The following ICAM1 variants were observed in gnomAD, a reference collection of about 807,000 sequenced individuals.
The protein encoded by ICAM1 is intercellular adhesion molecule 1.
ICAM1 carries 28 observed loss-of-function variants against 42.3 expected under a neutral mutation model. The observed-to-expected ratio is 0.66, with a 90% CI of 0.49 to 0.91. The LOEUF (loss-of-function observed/expected upper bound fraction) is 0.91. ICAM1 is among the 40% of genes least tolerant of loss of function. The pLI is 0.00. For synonymous variants in ICAM1, 304 were observed against 305.9 expected (o/e 0.99, Z 0.07); for missense variants, 637 against 688.6 (o/e 0.93, Z 0.84).
At chr19:10,275,156 C>A in intron 2 of ICAM1, 128 bp downstream of exon 2, 1 of 883,274 alleles carries the variant, frequency 1.1e-6, no homozygotes, top group Non-Finnish European at 1.7e-6. Flanking sequence ...CCTTGCAGGG[C>A]AGGTGGGGAC....
In ICAM1 at chr19:10,284,079, G is replaced by A. The variant is rs896099469; in HGVS notation, c.684G>A (p.Glu228=). ...AACTTGTCAGCCCCCGGGTCCTAGAGGTGGACACGCAGGGGACCGTGGTCT... is the reference window on the plus strand; with the variant it reads ...AACTTGTCAGCCCCCGGGTCCTAGAAGTGGACACGCAGGGGACCGTGGTCT... ...PPQLVSPRVL[E]VDTQGTVVCS... is the part of the protein sequence containing the mutation. The change falls in exon 4 of 7, where the codon GAG becomes GAA. Residue 228 remains glutamate (E), a synonymous_variant. Transcript: ENST00000264832. The surrounding 1 kb of genome is among the most constrained non-coding windows in gnomAD (Gnocchi z 5.4). The A allele has an allele frequency of 2.5e-6, 4 of 1,614,068 alleles. No individual in the cohort carries two copies. Among genetic ancestry groups the A allele is most frequent in the Non-Finnish European group, 3.4e-6 (4 of 1,180,006 alleles).
intron 1 of ICAM1, among the ~76,000 whole-genome samples, chr19:10,273,967 T>C (rs1004060383): frequency 2.6e-5 from 4 of 151,870 alleles, no homozygotes; most frequent in African/African-American, 7.3e-5. Context: ...TGAGCTGAGA[T>C]TGCGCCACTG....
chr19:10,274,278 T>G (rs2040001788), intron 1 of ICAM1, among the ~76,000 whole-genome samples: 1 of 152,064 alleles, frequency 6.6e-6, no homozygotes, highest in Admixed American at 6.6e-5. Flanking sequence ...AAGCTCATAT[T>G]AACATCAGTT....
At position 10,275,045 on chromosome 19, in the gene ICAM1, G is replaced by A. The variant is rs371024674; in HGVS notation, c.331+17G>A. ...CCGTGTACTGTGAGTAACTGAGCCC[G>A]GAGGGCTGGACTAGGCAGACCCGGT... On this transcript the variant is annotated intron_variant, in intron 2 of 6. Transcript: ENST00000264832. The A allele has an allele frequency of 5.3e-5, 86 of 1,611,200 alleles. No homozygotes were observed. Among genetic ancestry groups the A allele is most frequent in the Non-Finnish European group, 6.8e-5 (80 of 1,179,470 alleles).
rs763594216 is a variant in ICAM1, at chr19:10,285,118, C to G, written c.1430C>G (p.Pro477Arg). Residue 477 changes from proline (P) to arginine (R), a missense_variant, in exon 7 of 7, where the codon CCC becomes CGC. By Grantham distance (103) the Pro-to-Arg change is moderately radical. Transcript: ENST00000264832. ...TRKVTVNVLS[P>R]RYEIVIITVV... is the part of the protein sequence containing the mutation. ...GCCTGTTGTATCCTCCCCACAGCCCCCCGGTATGAGATTGTCATCATCACT... is the reference window on the plus strand; with the variant it reads ...GCCTGTTGTATCCTCCCCACAGCCCGCCGGTATGAGATTGTCATCATCACT... 1 of 1,614,040 alleles carries G rather than the reference C, an allele frequency of 6.2e-7. No homozygotes were observed. Among genetic ancestry groups the G allele is most frequent in the Admixed American group, 1.7e-5 (1 of 59,986 alleles).
intron 2 of ICAM1, among the ~76,000 whole-genome samples, chr19:10,275,735 TCTCA>T (rs1281702074): frequency 2.3e-5 from 3 of 130,390 alleles, no homozygotes; most frequent in Non-Finnish European, 3.1e-5. Flanking sequence ...TGAGACGGAG[TCTCA>T]CTCTGTCGCC....
At chr19:10,271,736 C>T (rs1200927582) in intron 1 of ICAM1, among the ~76,000 whole-genome samples, 1 of 152,062 alleles carries the variant, frequency 6.6e-6, no homozygotes, top group Non-Finnish European at 1.5e-5. Context: ...TTAAGGGACC[C>T]CCACCCCCCT....
At position 10,284,217 on chromosome 19, in the gene ICAM1, C is replaced by G. The variant is rs1490106324; in HGVS notation, c.822C>G (p.Ala274=). 9 of 1,614,042 alleles carry G rather than the reference C, an allele frequency of 5.6e-6. No homozygotes were observed. The highest frequency in any genetic ancestry group is 7.6e-6 in the Non-Finnish European group (9 of 1,180,042). Residue 274 remains alanine, a synonymous_variant, in exon 4 of 7, where the codon GCC becomes GCG. Transcript: ENST00000264832. This position sits in a 1 kb window ranked among gnomAD's most constrained non-coding sequence, Gnocchi z 5.4. ...GCAACGACTCCTTCTCGGCCAAGGC[C>G]TCAGTCAGTGTGACCGCAGAGGACG... is the stretch of plus-strand genomic sequence containing the variant. The part of the protein sequence containing the change: ...TYGNDSFSAK[A]SVSVTAEDEG...
chr19:10,282,917 GCAGGAGAATTGCTTGAACC>G (rs1568294767), intron 2 of ICAM1, among the ~76,000 whole-genome samples: 1 of 134,200 alleles, frequency 7.5e-6, no homozygotes, highest in East Asian at 2.1e-4. Context: ...GGAGGTTGAG[GCAGGAGAATTGCTTGAACC>G]CAGGAGGCAG....
rs922664343 is a variant in ICAM1 at position 10,275,028 on chromosome 19, T to C, written c.331T>C (p.Trp111Arg). 1 of 1,613,098 alleles carries C rather than the reference T, an allele frequency of 6.2e-7. No homozygotes were observed. ...STAKTFLTVY[W>R]TPERVELAPL... The stretch of plus-strand genomic sequence containing the variant: ...AGCTAAAACCTTCCTCACCGTGTAC[T>C]GTGAGTAACTGAGCCCGGAGGGCTG... The change falls in exon 2 of 7, where the codon TGG becomes CGG. Residue 111 changes from tryptophan (W) to arginine (R), a missense_variant and splice_region_variant. Trp to Arg is a moderately radical substitution (Grantham distance 101). Coordinates refer to ENST00000264832, the MANE Select transcript of ICAM1 (RefSeq NM_000201.3).
rs943191022 is a variant in ICAM1 at position 10,283,970 on chromosome 19, T to C, written c.638-63T>C. 13 of 1,549,914 alleles carry C rather than the reference T, an allele frequency of 8.4e-6. No individual in the cohort carries two copies. The African/African-American group carries it at 1.6e-4, about 20-fold the overall frequency. The stretch of plus-strand genomic sequence containing the variant: ...GGATCTCGCAGGAGGGGGAATGAAA[T>C]GCCCCAGAGAAGGGCTTCGGGACGT... On this transcript the variant is annotated intron_variant, in intron 3 of 6. Coordinates refer to ENST00000264832, the MANE Select transcript of ICAM1 (RefSeq NM_000201.3).
Position 10,271,138 on chromosome 19 carries a change from G to A in ICAM1, c.-22G>A, listed in dbSNP as rs1037574073. On this transcript the variant is annotated 5_prime_UTR_variant, in exon 1 of 7. Transcript: ENST00000264832. ...CGACGCTGAGCTCCTCTGCTACTCA[G>A]AGTTGCAACCTCAGCCTCGCTATGG... 1.2e-6 allele frequency: 2 copies of A among 1,609,570 alleles called. No homozygotes were observed. Among genetic ancestry groups the A allele is most frequent in the African/African-American group, 2.7e-5 (2 of 74,846 alleles).
At chr19:10,276,160 A>G (rs1350196238) in intron 2 of ICAM1, among the ~76,000 whole-genome samples, 1 of 151,800 alleles carries the variant, frequency 6.6e-6, no homozygotes, top group Non-Finnish European at 1.5e-5. Context: ...CCTAGGCAAC[A>G]TAGCAAAACC....
chr19:10,283,198 A>C, intron 2 of ICAM1: 1 of 332,876 alleles, frequency 3.0e-6, no homozygotes, highest in Non-Finnish European at 5.5e-6. Context: ...GGGCTGCTGA[A>C]TTTATTTGAC....
At chr19:10,276,259 T>C (rs1230602628) in intron 2 of ICAM1, among the ~76,000 whole-genome samples, 3 of 150,906 alleles carry the variant, frequency 2.0e-5, no homozygotes, top group South Asian at 2.1e-4. Context: ...AACAAAAGAA[T>C]TGATGGCCGG....
In ICAM1 at chr19:10,284,702, A is replaced by G. The variant is rs757208462; in HGVS notation, c.1180+45A>G. On this transcript the variant is annotated intron_variant, in intron 5 of 6. Coordinates refer to ENST00000264832, the MANE Select transcript of ICAM1 (RefSeq NM_000201.3). The surrounding 1 kb of genome is among the most constrained non-coding windows in gnomAD (Gnocchi z 5.4). Reference sequence around the variant, plus strand: ...AATGGCCCCTATCCCCCAAGGCCCAATCTCCCTGAAGGTCCCATAAGGTCT... The same window carrying G: ...AATGGCCCCTATCCCCCAAGGCCCAGTCTCCCTGAAGGTCCCATAAGGTCT... 3.1e-6 allele frequency: 5 copies of G among 1,612,364 alleles called. No individual in the cohort carries two copies. Among genetic ancestry groups the G allele is most frequent in the Non-Finnish European group, 4.2e-6 (5 of 1,179,340 alleles).
At chr19:10,275,164 G>A (rs1568292021) in intron 2 of ICAM1, 136 bp downstream of exon 2, 1 of 849,584 alleles carries the variant, frequency 1.2e-6, no homozygotes, top group Non-Finnish European at 1.8e-6. Flanking sequence ...GGCAGGTGGG[G>A]ACATCCTTGG....
In ICAM1 at chr19:10,283,732, C is replaced by A; in HGVS notation, c.583C>A (p.Gln195Lys). Residue 195 changes from glutamine to lysine, a missense_variant, in exon 3 of 7, where the codon CAA becomes AAA. Coordinates refer to ENST00000264832, the MANE Select transcript of ICAM1 (RefSeq NM_000201.3). ...SCRTELDLRP[Q>K]GLELFENTSA... ...CCGCACTGAACTGGACCTGCGGCCC[C>A]AAGGGCTGGAGCTGTTTGAGAACAC... is the stretch of plus-strand genomic sequence containing the variant. 6.2e-7 allele frequency: 1 copy of A among 1,613,436 alleles called. No individual in the cohort carries two copies. The highest frequency in any genetic ancestry group is 2.2e-5 in the East Asian group (1 of 44,862).
intron 2 of ICAM1, among the ~76,000 whole-genome samples, chr19:10,282,848 A>G (rs2040071569): frequency 1.3e-5 from 2 of 152,082 alleles, no homozygotes; most frequent in Non-Finnish European, 2.9e-5. Context: ...CCCCGTTTCT[A>G]CTAAAAATAC....
Sources: gnomAD v4.1 joint callset for allele counts (sites outside exome capture counted in the v4.1 genomes callset) on GRCh38, gnomAD v4.1.1 for gene constraint, Gnocchi (gnomAD v3.1) non-coding constraint, MANE v1.5 for transcripts, NCBI Gene and HGNC (gene_info 2026-07-23, HGNC 2026-07-21) for gene names.